Variants in CLOCK observed in about 807,000 individuals in gnomAD.
CLOCK encodes circadian locomoter output cycles protein kaput.
In CLOCK, 43 loss-of-function variants were observed where a neutral mutation model predicts 118.4. That is an observed-to-expected ratio of 0.36 (90% CI 0.28 to 0.47). The LOEUF is 0.47. Among genes scored for constraint, CLOCK ranks in the 20% least tolerant of loss-of-function variants. The probability of loss-of-function intolerance (pLI) is 1.00; values close to 1 mark genes in which losing one functional copy is unlikely to be tolerated. For synonymous variants in CLOCK, 326 were observed against 339.2 expected (o/e 0.96, Z 0.43); for missense variants, 846 against 999.9 (o/e 0.85, Z 2.08).
chr4:55,455,611 T>C (rs1465995171), intron 13 of CLOCK, among the ~76,000 whole-genome samples: 1 of 152,168 alleles, frequency 6.6e-6, no homozygotes, highest in Non-Finnish European at 1.5e-5. Flanking sequence ...TATTACAATT[T>C]TCAAAGGAAT....
At chr4:55,506,745 G>C (rs959861079) in intron 2 of CLOCK, among the ~76,000 whole-genome samples, 2 of 151,942 alleles carry the variant, frequency 1.3e-5, no homozygotes, top group Non-Finnish European at 2.9e-5. Context: ...ATTTTTAGTA[G>C]AGATGGGGTT....
intron 1 of CLOCK, among the ~76,000 whole-genome samples, chr4:55,542,693 C>T (rs1183940424): frequency 2.0e-4 from 30 of 152,040 alleles, no homozygotes; most frequent in Admixed American, 2.0e-3. Flanking sequence ...CCTCTTCTCT[C>T]CTTTTCCCTT....
chr4:55,510,147 G>C (rs184024922), intron 1 of CLOCK, 82 bp from the exon 2 acceptor site: 1 of 152,112 alleles, frequency 6.6e-6, no homozygotes. Flanking sequence ...TTTCATCGAC[G>C]TATAGAACAT....
chr4:55,537,419 G>A (rs1278330651), intron 1 of CLOCK, among the ~76,000 whole-genome samples: 3 of 152,060 alleles, frequency 2.0e-5, no homozygotes, highest in Non-Finnish European at 2.9e-5. Context: ...AGGAGTTGAC[G>A]ACCAGCCTGG....
intron 1 of CLOCK, among the ~76,000 whole-genome samples, chr4:55,532,805 C>T (rs2110092550): frequency 6.6e-6 from 1 of 152,058 alleles, no homozygotes; most frequent in South Asian, 2.1e-4. Flanking sequence ...CATGATTGTG[C>T]CACTGCACTC....
intron 1 of CLOCK, among the ~76,000 whole-genome samples, chr4:55,527,458 A>G: frequency 6.6e-6 from 1 of 152,198 alleles, no homozygotes; most frequent in South Asian, 2.1e-4. Flanking sequence ...GCTTGCCCAT[A>G]TATTTTCTAT....
chr4:55,537,788 C>CA (rs1392528536), intron 1 of CLOCK, among the ~76,000 whole-genome samples: 5 of 151,250 alleles, frequency 3.3e-5, no homozygotes, highest in Admixed American at 2.6e-4. Flanking sequence ...GACCTTGTCT[C>CA]AAAAAACAAA....
chr4:55,539,196 C>T (rs1343656548), intron 1 of CLOCK, among the ~76,000 whole-genome samples: 2 of 152,038 alleles, frequency 1.3e-5, no homozygotes, highest in Non-Finnish European at 2.9e-5. Context: ...GATCACGCCA[C>T]TGCACTCCAG....
chr4:55,499,929 G>A (rs1430623321), intron 2 of CLOCK, among the ~76,000 whole-genome samples: 1 of 152,138 alleles, frequency 6.6e-6, no homozygotes, highest in Non-Finnish European at 1.5e-5. Flanking sequence ...GCATGCTCCA[G>A]CTTCCAGAGT....
At chr4:55,537,490 G>A (rs1730981619) in intron 1 of CLOCK, among the ~76,000 whole-genome samples, 1 of 151,630 alleles carries the variant, frequency 6.6e-6, no homozygotes, top group Non-Finnish European at 1.5e-5. Flanking sequence ...ATGATGGCAC[G>A]CGCCTGTAAT....
rs992504840 is a variant in CLOCK, at chr4:55,465,035, C to A, written c.439-1230G>T. Among the ~76,000 whole-genome samples the A allele has an allele frequency of 9.9e-5, 15 of 152,238 alleles. No homozygotes were observed. In the South Asian group the frequency reaches 3.1e-3, roughly 32 times the overall value. On this transcript the variant is annotated intron_variant, in intron 8 of 22. Transcript: ENST00000513440. The stretch of plus-strand genomic sequence containing the variant: ...GAAAGCATTCCCTTAACACCATAAT[C>A]CACATTAAAAATAAAATTCTTTTAT...
At chr4:55,500,252 A>G (rs1728347752) in intron 2 of CLOCK, among the ~76,000 whole-genome samples, 1 of 151,776 alleles carries the variant, frequency 6.6e-6, no homozygotes, top group Non-Finnish European at 1.5e-5. Flanking sequence ...TTCCCTTCTC[A>G]GTTTGCCTAT....
rs1241946921 is a variant in CLOCK at position 55,456,196 on chromosome 4, T to C, written c.875+22A>G. 25 of 1,517,796 alleles carry C rather than the reference T, an allele frequency of 1.6e-5. 1 individual carries two copies. The highest frequency in any genetic ancestry group is 2.3e-5 in the Non-Finnish European group (25 of 1,097,382). The allele number at this position is 1,517,796 out of a possible 1,614,324, so 94.0% of individuals were successfully genotyped here. A position where few individuals can be genotyped will look rare whatever the true frequency, so the allele number is the denominator to read the frequency against. On this transcript the variant is annotated intron_variant, in intron 12 of 22. Coordinates refer to ENST00000513440, the MANE Select transcript of CLOCK (RefSeq NM_004898.4). ...ATATAACATGACTATTACCTTTTCA[T>C]GGAATTTAAAAATGGAATTACCTGT...
In CLOCK at chr4:55,450,098, G is replaced by A. The variant is rs768160085; in HGVS notation, c.1341C>T (p.Asp447=). Residue 447 remains aspartate (D), a synonymous_variant, in exon 16 of 23, where the codon GAC becomes GAT. Coordinates refer to ENST00000513440, the MANE Select transcript of CLOCK (RefSeq NM_004898.4). ...SRKSSHTAVS[D]PSSTPTKIPT... ...TGAAGCAAGGGTACTCACAGGAAGGGTCTGAGACGGCCGTGTGAGATGATT... is the reference window on the plus strand; with the variant it reads ...TGAAGCAAGGGTACTCACAGGAAGGATCTGAGACGGCCGTGTGAGATGATT... 1.2e-6 allele frequency: 2 copies of A among 1,614,114 alleles called. No individual in the cohort carries two copies. Among genetic ancestry groups the A allele is most frequent in the South Asian group, 1.1e-5 (1 of 91,064 alleles).
At chr4:55,455,366 C>T (rs1560427565) in intron 13 of CLOCK, among the ~76,000 whole-genome samples, 1 of 152,158 alleles carries the variant, frequency 6.6e-6, no homozygotes, top group South Asian at 2.1e-4. Flanking sequence ...ATAATAGCAT[C>T]TACCTTTTAG....
At chr4:55,498,603 C>CTTATTATTATTA (rs56413931) in intron 2 of CLOCK, among the ~76,000 whole-genome samples, 3,742 of 148,640 alleles carry the variant, frequency 0.025, 139 homozygotes, top group African/African-American at 0.08. Context: ...TATCTAGTTC[C>CTTATTATTATTA]TTATTATTAT....
intron 7 of CLOCK, among the ~76,000 whole-genome samples, chr4:55,473,584 T>C (rs11947476): frequency 0.58 from 88,859 of 152,022 alleles, 27,584 homozygotes; most frequent in South Asian, 0.81. Context: ...GAGACGTGGC[T>C]ATAATCTATT....
chr4:55,541,632 C>A (rs917864539), intron 1 of CLOCK, among the ~76,000 whole-genome samples: 1 of 152,072 alleles, frequency 6.6e-6, no homozygotes, highest in Non-Finnish European at 1.5e-5. Context: ...AAACAATTTT[C>A]TTTTAATATT....
intron 9 of CLOCK, among the ~76,000 whole-genome samples, chr4:55,461,580 C>T (rs562471924): frequency 3.3e-5 from 5 of 152,166 alleles, no homozygotes; most frequent in Non-Finnish European, 5.9e-5. Flanking sequence ...TGAGGAGTAA[C>T]TCCATAAAGC....
Sources: allele counts gnomAD v4.1 joint callset (sites outside exome capture counted in the v4.1 genomes callset), GRCh38; gene constraint gnomAD v4.1.1; transcripts MANE v1.5; gene names NCBI Gene and HGNC (gene_info 2026-07-23, HGNC 2026-07-21).